Variants in PCDH15 observed in about 807,000 individuals in gnomAD.
The protein encoded by PCDH15 is protocadherin-15.
Under a neutral mutation model 178.5 loss-of-function variants are expected in PCDH15, and 129 were observed. That is an observed-to-expected ratio of 0.72 (90% confidence interval 0.63 to 0.84). The LOEUF is 0.84. PCDH15 is among the 40% of genes least tolerant of loss of function. The pLI is 0.00. For synonymous variants in PCDH15, 800 were observed against 732.0 expected (o/e 1.09, Z -1.50); for missense variants, 2,230 against 2,099.9 (o/e 1.06, Z -1.21).
At position 54,134,747 on chromosome 10, in the gene PCDH15, C is replaced by G. The variant is rs540717340; in HGVS notation, c.1785-1740G>C. Among the ~76,000 whole-genome samples the G allele has an allele frequency of 2.1e-5, 3 of 144,372 alleles. No homozygotes were observed. The East Asian group carries it at 6.1e-4, about 29-fold the overall frequency. 94.7% of individuals were successfully genotyped at this position (144,372 alleles called of 152,430 possible). ...CAGCCTGGGCAACAGAGCAAGACTC[C>G]GTCTCAAAAAAAGAAAAAAAAAAAA... On this transcript the variant is annotated intron_variant, in intron 14 of 37. Transcript: ENST00000644397.
rs775730183 is a variant in PCDH15, at chr10:54,236,875, C to T, written c.933G>A (p.Arg311=). The part of the protein sequence containing the change: ...TPPIQAIDQD[R]NIQPPSDRPG... ...GCCTATCTGATGGCGGTTGAATATTCCGGTCCTGATCAATGGCTTGGATTG... is the reference window on the plus strand; with the variant it reads ...GCCTATCTGATGGCGGTTGAATATTTCGGTCCTGATCAATGGCTTGGATTG... The change falls in exon 9 of 38, where the codon CGG becomes CGA. Residue 311 remains arginine, a synonymous_variant. Coordinates refer to ENST00000644397, the MANE Select transcript of PCDH15 (RefSeq NM_001384140.1). 7 of 1,613,580 alleles carry T rather than the reference C, an allele frequency of 4.3e-6. No homozygotes were observed. Among genetic ancestry groups the T allele is most frequent in the Non-Finnish European group, 5.1e-6 (6 of 1,179,692 alleles).
chr10:54,661,093 G>A (rs113152297), intron 2 of PCDH15, among the ~76,000 whole-genome samples: 5 of 152,088 alleles, frequency 3.3e-5, no homozygotes, highest in African/African-American at 9.6e-5. Flanking sequence ...TATTGAAAAA[G>A]AGGAAGTCAA....
rs757182266 is a variant in PCDH15, at chr10:54,066,731, A to G, written c.2220+26T>C. ...TTACACTCTTTGAAAAACTACATAT[A>G]AGATCTATATAAATATTCCACTTAC... On this transcript the variant is annotated intron_variant, in intron 18 of 37. Coordinates refer to ENST00000644397, the MANE Select transcript of PCDH15 (RefSeq NM_001384140.1). 1.9e-6 allele frequency: 3 copies of G among 1,607,010 alleles called. No individual in the cohort carries two copies. In the South Asian group the frequency reaches 3.3e-5, roughly 18 times the overall value.
At chr10:55,186,703 T>C (rs1839809264) in intron 1 of PCDH15, among the ~76,000 whole-genome samples, 1 of 151,644 alleles carries the variant, frequency 6.6e-6, no homozygotes, top group Non-Finnish European at 1.5e-5. Flanking sequence ...TACATTTACA[T>C]AGAACTACCA....
At chr10:53,877,900 C>T (rs140790969) in intron 26 of PCDH15, among the ~76,000 whole-genome samples, 14 of 152,222 alleles carry the variant, frequency 9.2e-5, no homozygotes, top group Admixed American at 9.2e-4. Context: ...CATCAGATCT[C>T]ACTTTTAACT....
chr10:54,705,620 C>CGG (rs1426992920), intron 1 of PCDH15, among the ~76,000 whole-genome samples: 1 of 152,054 alleles, frequency 6.6e-6, no homozygotes, highest in East Asian at 1.9e-4. Context: ...CACTATTATC[C>CGG]ATACCATGAG....
rs142025558 is a variant in PCDH15, at chr10:53,874,812, A to G, written c.3502-7955T>C. ...AGTAGACACTGAATATAAAGCAAAT[A>G]TGGTTAATACATTTCAATAATAAAG... On this transcript the variant is annotated intron_variant, in intron 26 of 37. Coordinates refer to ENST00000644397, the MANE Select transcript of PCDH15 (RefSeq NM_001384140.1). 2.6e-5 allele frequency among the ~76,000 whole-genome samples: 4 copies of G among 152,300 alleles called. No individual in the cohort carries two copies. The East Asian group carries it at 5.8e-4, about 22-fold the overall frequency.
At chr10:53,950,626 G>C (rs1048609637) in intron 23 of PCDH15, among the ~76,000 whole-genome samples, 1 of 152,086 alleles carries the variant, frequency 6.6e-6, no homozygotes, top group Non-Finnish European at 1.5e-5. Context: ...TTTTAAAACT[G>C]ATGACAAGTG....
chr10:54,699,766 A>G (rs1244559786), intron 1 of PCDH15, among the ~76,000 whole-genome samples: 4 of 152,008 alleles, frequency 2.6e-5, no homozygotes, highest in Non-Finnish European at 5.9e-5. Context: ...ACATATTTAG[A>G]ATGTTACATT....
intron 18 of PCDH15, among the ~76,000 whole-genome samples, chr10:54,062,826 A>T (rs1911379): frequency 0.17 from 25,529 of 152,066 alleles, 2,567 homozygotes; most frequent in Non-Finnish European, 0.23. Flanking sequence ...ACTAATCATC[A>T]TGTTGATGTC....
At chr10:54,809,491 T>C (rs984874388) in intron 3 of PCDH15, among the ~76,000 whole-genome samples, 10 of 152,166 alleles carry the variant, frequency 6.6e-5, no homozygotes, top group Non-Finnish European at 1.3e-4. Flanking sequence ...GTTTGGCAAA[T>C]ATATTTCAAT....
chr10:54,022,271 C>G (rs1037023434), intron 19 of PCDH15, among the ~76,000 whole-genome samples: 1 of 151,778 alleles, frequency 6.6e-6, no homozygotes, highest in African/African-American at 2.4e-5. Flanking sequence ...AAAAAAGAGG[C>G]TTGATACAGA....
intron 2 of PCDH15, among the ~76,000 whole-genome samples, chr10:55,470,376 G>A (rs1393931013): frequency 6.6e-6 from 1 of 151,586 alleles, no homozygotes; most frequent in Non-Finnish European, 1.5e-5. Flanking sequence ...TCAAGTATTT[G>A]TCCCTACCCA....
chr10:55,244,003 T>G (rs927514392), intron 1 of PCDH15, among the ~76,000 whole-genome samples: 1 of 151,990 alleles, frequency 6.6e-6, no homozygotes, highest in African/African-American at 2.4e-5. Flanking sequence ...ATTTTATATA[T>G]TATATAAAAT....
intron 1 of PCDH15, among the ~76,000 whole-genome samples, chr10:55,270,964 G>C (rs776645152): frequency 6.6e-6 from 1 of 152,078 alleles, no homozygotes; most frequent in African/African-American, 2.4e-5. Context: ...CCATAAAAAA[G>C]AATGAAATCA....
At chr10:55,469,869 TA>T (rs1473923756) in intron 2 of PCDH15, among the ~76,000 whole-genome samples, 1 of 151,994 alleles carries the variant, frequency 6.6e-6, no homozygotes, top group Non-Finnish European at 1.5e-5. Context: ...AAAGCCAATA[TA>T]TAAAATTAAA....
At chr10:55,476,656 G>A (rs1025145840) in intron 2 of PCDH15, among the ~76,000 whole-genome samples, 2 of 151,868 alleles carry the variant, frequency 1.3e-5, no homozygotes, top group African/African-American at 2.4e-5. Context: ...AAATCAGGTG[G>A]ATTGATATAT....
intron 2 of PCDH15, among the ~76,000 whole-genome samples, chr10:54,628,120 G>A (rs933916926): frequency 6.6e-6 from 1 of 152,068 alleles, no homozygotes; most frequent in Non-Finnish European, 1.5e-5. Context: ...TATTTAAACT[G>A]TATTTTCATA....
intron 2 of PCDH15, among the ~76,000 whole-genome samples, chr10:55,356,708 C>G (rs1410427028): frequency 6.6e-6 from 1 of 151,468 alleles, no homozygotes; most frequent in Non-Finnish European, 1.5e-5. Context: ...ATTTATTAAC[C>G]AATTTAGTTG....
Sources: allele counts gnomAD v4.1 joint callset (sites outside exome capture counted in the v4.1 genomes callset), GRCh38; gene constraint gnomAD v4.1.1; transcripts MANE v1.5; gene names NCBI Gene and HGNC (gene_info 2026-07-23, HGNC 2026-07-21).